The following FAM149A variants were observed in gnomAD, a reference collection of about 807,000 sequenced individuals.
FAM149A encodes the protein protein FAM149A.
A neutral mutation model predicts 78.2 loss-of-function variants in FAM149A; 71 were observed. That is an observed-to-expected ratio of 0.91 (90% CI 0.75 to 1.11). The LOEUF (loss-of-function observed/expected upper bound fraction) is 1.11, where lower values mean the gene tolerates loss of function less well. FAM149A is among the 50% of genes least tolerant of loss of function. FAM149A has a pLI of 0.00. For synonymous variants in FAM149A, 446 were observed against 410.5 expected (o/e 1.09, Z -1.04); for missense variants, 1,036 against 971.0 (o/e 1.07, Z -0.89).
intron 6 of FAM149A, among the ~76,000 whole-genome samples, chr4:186,155,601 A>G (rs953229310): frequency 6.6e-6 from 1 of 152,212 alleles, no homozygotes; most frequent in African/African-American, 2.4e-5. Context: ...TATGGGGTAC[A>G]GTAGAAGCAG....
chr4:186,136,994 C>CTCTTTCTCTT, intron 1 of FAM149A, among the ~76,000 whole-genome samples: 1 of 136,462 alleles, frequency 7.3e-6, no homozygotes, highest in Non-Finnish European at 1.6e-5. Context: ...CTCTCTCTCT[C>CTCTTTCTCTT]TCTCTCTCTC....
At chr4:186,158,269 C>T (rs1024877655) in intron 8 of FAM149A, 33 of 1,231,074 alleles carry the variant, frequency 2.7e-5, no homozygotes, top group Middle Eastern at 3.7e-4. Flanking sequence ...TGGTCCCAGG[C>T]GACCACCAGC....
chr4:186,133,322 A>C, intron 1 of FAM149A: 2 of 421,338 alleles, frequency 4.7e-6, no homozygotes, highest in Non-Finnish European at 6.4e-6. Flanking sequence ...TCATCATCTC[A>C]AACAAACTCA....
Position 186,172,254 on chromosome 4 carries a change from C to T in FAM149A, c.*267C>T, listed in dbSNP as rs565489318. The T allele has an allele frequency of 1.4e-5, 5 of 364,278 alleles. No individual in the cohort carries two copies. The highest frequency in any genetic ancestry group is 8.4e-5 in the African/African-American group (4 of 47,652). The allele number at this position is 364,278 out of a possible 1,614,324, so 22.6% of individuals were successfully genotyped here. ...AAGCCCCTGATGTGTGTTTGCAGTC[C>T]GTCATTTTATCAATGATACGCAAAC... On this transcript the variant is annotated 3_prime_UTR_variant, in exon 14 of 14. Coordinates refer to ENST00000389354, the MANE Select transcript of FAM149A (RefSeq NM_001367768.3).
At chr4:186,166,206 G>A (rs532907305) in intron 11 of FAM149A, among the ~76,000 whole-genome samples, 88 of 152,268 alleles carry the variant, frequency 5.8e-4, no homozygotes, top group African/African-American at 2.1e-3. Context: ...GACCCCTGTT[G>A]TAGGAACATA....
Position 186,153,776 on chromosome 4 carries a change from T to G in FAM149A, c.1058+6T>G. ...CACAGCAGCAACATCAGAGAGTATG[T>G]TCAGATAAGTGACTCTCAAAAAGTA... On this transcript the variant is annotated splice_donor_region_variant and intron_variant, in intron 5 of 13. Coordinates refer to ENST00000389354, the MANE Select transcript of FAM149A (RefSeq NM_001367768.3). 1 of 1,593,256 alleles carries G rather than the reference T, an allele frequency of 6.3e-7. No individual in the cohort carries two copies. The highest frequency in any genetic ancestry group is 1.1e-5 in the South Asian group (1 of 90,178).
intron 8 of FAM149A, chr4:186,158,652 G>T: frequency 9.2e-7 from 1 of 1,084,914 alleles, no homozygotes; most frequent in South Asian, 2.6e-5. Context: ...CCCAGGTTGA[G>T]GGTGGAGACC....
rs1733323097 is a variant in FAM149A, at chr4:186,149,763, T to G, written c.789+59T>G. 12 of 1,139,290 alleles carry G rather than the reference T, an allele frequency of 1.1e-5. No homozygotes were observed. The South Asian group carries it at 1.7e-4, about 16-fold the overall frequency. 70.6% of individuals were successfully genotyped at this position (1,139,290 alleles called of 1,614,324 possible). On this transcript the variant is annotated intron_variant, in intron 3 of 13. Coordinates refer to ENST00000389354, the MANE Select transcript of FAM149A (RefSeq NM_001367768.3). ...TTACAGTTTATAGTGAAGAGTTGCT[T>G]CCTTATATTCAAAATTATTTTTACC... is the stretch of plus-strand genomic sequence containing the variant.
At chr4:186,151,871 A>C in intron 3 of FAM149A, 32 bp from the exon 4 acceptor site, 1 of 1,610,600 alleles carries the variant, frequency 6.2e-7, no homozygotes, top group East Asian at 2.2e-5. Flanking sequence ...TGTAACTTGC[A>C]GTGTTGTAAC....
At chr4:186,107,312 AATAG>A (rs1164366767) in intron 1 of FAM149A, among the ~76,000 whole-genome samples, 1 of 152,272 alleles carries the variant, frequency 6.6e-6, no homozygotes, top group Admixed American at 6.5e-5. Context: ...AAATATTTGG[AATAG>A]ATACTTTTTG....
At position 186,146,944 on chromosome 4, in the gene FAM149A, C is replaced by G. The variant is rs111966125; in HGVS notation, c.567-2229C>G. The G allele has an allele frequency of 9.0e-5, 89 of 985,388 alleles. 3 individuals carry two copies. The African/African-American group carries it at 1.2e-3, about 13-fold the overall frequency. 61.0% of individuals were successfully genotyped at this position (985,388 alleles called of 1,614,324 possible). A position where few individuals can be genotyped will look rare whatever the true frequency, so the allele number is the denominator to read the frequency against. On this transcript the variant is annotated intron_variant, in intron 1 of 13. Transcript: ENST00000389354. ...ATCTTTTGTGTGACGAGTGTTATTT[C>G]AGGTGCTTAGCTTAAAAGATGAATA...
At chr4:186,142,225 G>T (rs550999340) in intron 1 of FAM149A, among the ~76,000 whole-genome samples, 136 of 152,316 alleles carry the variant, frequency 8.9e-4, no homozygotes, top group Middle Eastern at 3.4e-3. Flanking sequence ...TCTCTTGTTG[G>T]ACAGGTGCCC....
intron 8 of FAM149A, 82 bp downstream of exon 8, chr4:186,157,801 T>C: frequency 6.4e-7 from 1 of 1,563,128 alleles, no homozygotes; most frequent in South Asian, 1.2e-5. Flanking sequence ...TAAACTGCAG[T>C]ACTGAGATAT....
chr4:186,150,326 G>A lies in FAM149A; in HGVS notation c.789+622G>A, dbSNP rs1302566992. ...AGGCCCACCTGGCTGCAGCACCTTGGGTGTTCTGTTTTACCTCGTTTATGC... is the reference window on the plus strand; with the variant it reads ...AGGCCCACCTGGCTGCAGCACCTTGAGTGTTCTGTTTTACCTCGTTTATGC... On this transcript the variant is annotated intron_variant, in intron 3 of 13. Transcript: ENST00000389354. 2.0e-5 allele frequency among the ~76,000 whole-genome samples: 3 copies of A among 150,544 alleles called. No individual in the cohort carries two copies. In the East Asian group the frequency reaches 5.8e-4, roughly 29 times the overall value.
intron 1 of FAM149A, among the ~76,000 whole-genome samples, chr4:186,111,560 A>ATTGAT (rs1382038762): frequency 6.6e-6 from 1 of 151,792 alleles, no homozygotes; most frequent in African/African-American, 2.4e-5. Flanking sequence ...TCCATCTTGA[A>ATTGAT]TTGATTTTTG....
In FAM149A at chr4:186,164,926, G is replaced by A. The variant is rs1037677788; in HGVS notation, c.1890-418G>A. 3.3e-5 allele frequency among the ~76,000 whole-genome samples: 5 copies of A among 152,048 alleles called. No individual in the cohort carries two copies. Among genetic ancestry groups the A allele is most frequent in the East Asian group, 1.9e-4 (1 of 5,180 alleles). On this transcript the variant is annotated intron_variant, in intron 10 of 13. Coordinates refer to ENST00000389354, the MANE Select transcript of FAM149A (RefSeq NM_001367768.3). The surrounding 1 kb of genome is among the most constrained non-coding windows in gnomAD (Gnocchi z 4.0). ...ACATGGAATTGTAGTCCCACAGACA[G>A]CCTGTTTGTCTGTGTGCATAGCTGT...
At chr4:186,139,979 CA>C (rs71902674) in intron 1 of FAM149A, among the ~76,000 whole-genome samples, 2,403 of 151,408 alleles carry the variant, frequency 0.016, 73 homozygotes, top group African/African-American at 0.056. Flanking sequence ...CTCCACCTAA[CA>C]AAAAAAACCA....
At chr4:186,142,694 G>A (rs2099326337) in intron 1 of FAM149A, among the ~76,000 whole-genome samples, 1 of 152,156 alleles carries the variant, frequency 6.6e-6, no homozygotes, top group Non-Finnish European at 1.5e-5. Flanking sequence ...ATGAGAGAAG[G>A]CTCAACTGAG....
At chr4:186,127,588 T>C in intron 1 of FAM149A, 2 of 985,438 alleles carry the variant, frequency 2.0e-6, no homozygotes, top group Non-Finnish European at 2.4e-6. Flanking sequence ...GTTTCATGAG[T>C]GTTTGTTAAT....
Sources: gnomAD v4.1 joint callset for allele counts (sites outside exome capture counted in the v4.1 genomes callset) on GRCh38, gnomAD v4.1.1 for gene constraint, Gnocchi (gnomAD v3.1) non-coding constraint, MANE v1.5 for transcripts, NCBI Gene and HGNC (gene_info 2026-07-23, HGNC 2026-07-21) for gene names.